Variants in CCNF observed in about 807,000 individuals in gnomAD.
The protein encoded by CCNF is cyclin-F.
CCNF carries 30 observed loss-of-function variants against 85.4 expected under a neutral mutation model. The ratio of observed to expected loss-of-function variants is 0.35; its 90% CI spans 0.26 to 0.48. The LOEUF (loss-of-function observed/expected upper bound fraction) is 0.48, where lower values mean the gene tolerates loss of function less well. Among genes scored for constraint, CCNF ranks in the 20% least tolerant of loss-of-function variants. CCNF has a pLI of 0.99. For missense variants in CCNF, 919 were observed against 1,010.4 expected (o/e 0.91, Z 1.23); for synonymous variants, 439 against 425.1 (o/e 1.03, Z -0.40).
chr16:2,457,045 G>C lies in CCNF; in HGVS notation c.*25G>C, dbSNP rs374043839. The C allele has an allele frequency of 5.2e-6, 8 of 1,524,714 alleles. No homozygotes were observed. In the African/African-American group the frequency reaches 1.1e-4, roughly 21 times the overall value. 94.4% of individuals were successfully genotyped at this position (1,524,714 alleles called of 1,614,324 possible). A position where few individuals can be genotyped will look rare whatever the true frequency, so the allele number is the denominator to read the frequency against. On this transcript the variant is annotated 3_prime_UTR_variant, in exon 17 of 17. Coordinates refer to ENST00000397066, the MANE Select transcript of CCNF (RefSeq NM_001761.3). ...AGTGTGTCAGCACATTTGCCGCAGT[G>C]GATGTGTACTGAGGGGGCTGGAGGC...
rs1398470046 is a variant in CCNF at position 2,439,395 on chromosome 16, G to T, written c.637G>T (p.Ala213Ser). Reference protein sequence around the residue: ...QQQAHDLFEEAAHQGCLTSSY... With the variant: ...QQQAHDLFEESAHQGCLTSSY... The stretch of plus-strand genomic sequence containing the variant: ...GCAGGCCCATGACCTGTTTGAGGAG[G>T]CTGCTCATCAGGGATGTCTGACCAG... Residue 213 changes from alanine to serine, a missense_variant, in exon 7 of 17, where the codon GCT becomes TCT. Transcript: ENST00000397066. 23 of 1,610,416 alleles carry T rather than the reference G, an allele frequency of 1.4e-5. No homozygotes were observed. Among genetic ancestry groups the T allele is most frequent in the Admixed American group, 3.4e-5 (2 of 59,698 alleles).
Position 2,456,516 on chromosome 16 carries a change from G to T in CCNF, c.1886-29G>T. The T allele has an allele frequency of 6.8e-7, 1 of 1,466,634 alleles. No individual in the cohort carries two copies. Among genetic ancestry groups the T allele is most frequent in the South Asian group, 1.4e-5 (1 of 73,832 alleles). The allele number at this position is 1,466,634 out of a possible 1,614,324, so 90.9% of individuals were successfully genotyped here. A position where few individuals can be genotyped will look rare whatever the true frequency, so the allele number is the denominator to read the frequency against. On this transcript the variant is annotated intron_variant, in intron 16 of 16. Coordinates refer to ENST00000397066, the MANE Select transcript of CCNF (RefSeq NM_001761.3). This position sits in a 1 kb window ranked among gnomAD's most constrained non-coding sequence, Gnocchi z 4.5. Reference sequence around the variant, plus strand: ...CTCCCCTGATGCTTGGGTGTGACATGACTTCCCTCCCCACCAACCTTCCTG... The same window carrying T: ...CTCCCCTGATGCTTGGGTGTGACATTACTTCCCTCCCCACCAACCTTCCTG...
chr16:2,443,063 A>AAT (rs1165713114), intron 8 of CCNF, among the ~76,000 whole-genome samples: 1 of 108,134 alleles, frequency 9.2e-6, no homozygotes, highest in South Asian at 2.6e-4. Flanking sequence ...TAATATCTAT[A>AAT]ATATATATTA....
At chr16:2,436,570 C>A (rs2065292268) in intron 4 of CCNF, 1 of 152,172 alleles carries the variant, frequency 6.6e-6, no homozygotes, top group African/African-American at 2.4e-5. Context: ...TGACAGGGAC[C>A]ATGAGCAACA....
Position 2,445,538 on chromosome 16 carries a change from G to A in CCNF, c.1010G>A (p.Cys337Tyr). ...CTGTGCCTGCACCTGACCGTGGAGT[G>A]TGTGGACCGGTACCTGCGGAGGAGG... Reference protein sequence around the residue: ...TSLCLHLTVECVDRYLRRRLV... With the variant: ...TSLCLHLTVEYVDRYLRRRLV... Residue 337 changes from cysteine (C) to tyrosine (Y), a missense_variant, in exon 10 of 17, where the codon TGT becomes TAT. By Grantham distance (194) the Cys-to-Tyr change is radical. Coordinates refer to ENST00000397066, the MANE Select transcript of CCNF (RefSeq NM_001761.3). 1 of 1,614,156 alleles carries A rather than the reference G, an allele frequency of 6.2e-7. No homozygotes were observed. The highest frequency in any genetic ancestry group is 8.5e-7 in the Non-Finnish European group (1 of 1,180,034).
Position 2,456,246 on chromosome 16 carries a change from T to G in CCNF, c.1886-299T>G. 1 of 354,544 alleles carries G rather than the reference T, an allele frequency of 2.8e-6. No homozygotes were observed. The highest frequency in any genetic ancestry group is 5.1e-6 in the Non-Finnish European group (1 of 194,346). 22.0% of individuals were successfully genotyped at this position (354,544 alleles called of 1,614,324 possible). A position where few individuals can be genotyped will look rare whatever the true frequency, so the allele number is the denominator to read the frequency against. On this transcript the variant is annotated intron_variant, in intron 16 of 16. Transcript: ENST00000397066. The surrounding 1 kb of genome is among the most constrained non-coding windows in gnomAD (Gnocchi z 4.5). ...TGCAAACCCCAGGCAGACTGCGGGG[T>G]CCTTGCCAGAAGCCCAGTTAGTGTG...
chr16:2,445,728 TG>T lies in CCNF; in HGVS notation c.1094+107del, dbSNP rs200662201. 1.3e-3 allele frequency: 1,252 copies of T among 978,542 alleles called. 23 individuals carry two copies. The highest frequency in any genetic ancestry group is 2.8e-3 in the East Asian group (95 of 34,270). The allele number at this position is 978,542 out of a possible 1,614,324, so 60.6% of individuals were successfully genotyped here. A position where few individuals can be genotyped will look rare whatever the true frequency, so the allele number is the denominator to read the frequency against. On this transcript the variant is annotated intron_variant, in intron 10 of 16. Coordinates refer to ENST00000397066, the MANE Select transcript of CCNF (RefSeq NM_001761.3). ...TCACTGGTTTGGTTTTGTTTTGTGT[TG>T]TTTTTTTTTTTTTCCCGAGACCAAG...
chr16:2,440,671 C>G (rs2065316350), intron 8 of CCNF, among the ~76,000 whole-genome samples: 1 of 152,102 alleles, frequency 6.6e-6, no homozygotes. Context: ...TTCTTGTCAC[C>G]CCACCAAGTG....
intron 11 of CCNF, 116 bp downstream of exon 11, chr16:2,449,094 C>T (rs985180617): frequency 6.7e-6 from 10 of 1,498,650 alleles, no homozygotes; most frequent in East Asian, 4.5e-5. Context: ...GAGCAGCTGT[C>T]TCTGCTGTGC....
At chr16:2,446,809 G>A (rs958440926) in intron 10 of CCNF, among the ~76,000 whole-genome samples, 1 of 152,214 alleles carries the variant, frequency 6.6e-6, no homozygotes, top group Non-Finnish European at 1.5e-5. Flanking sequence ...CCACCAACTA[G>A]GGTGCTGCCC....
chr16:2,435,874 G>A lies in CCNF; in HGVS notation c.346+1G>A, dbSNP rs370702853. ...ATAGCCTACCTCTACAATGAAGGCC[G>A]TAAGTCCTCACCCCACCTGCATGTT... On this transcript the variant is annotated splice_donor_variant, in intron 4 of 16. Transcript: ENST00000397066. LOFTEE classifies it high-confidence loss of function. The A allele has an allele frequency of 9.3e-6, 15 of 1,610,708 alleles. No individual in the cohort carries two copies. Among genetic ancestry groups the A allele is most frequent in the Non-Finnish European group, 1.2e-5 (14 of 1,177,354 alleles).
At chr16:2,441,489 G>A (rs1291112084) in intron 8 of CCNF, among the ~76,000 whole-genome samples, 1 of 151,936 alleles carries the variant, frequency 6.6e-6, no homozygotes, top group Non-Finnish European at 1.5e-5. Flanking sequence ...AAATAGGGCC[G>A]GGCGCAGTGG....
rs2065404603 is a variant in CCNF, at chr16:2,453,237, C to T, written c.1515C>T (p.Tyr505=). 2 of 1,613,786 alleles carry T rather than the reference C, an allele frequency of 1.2e-6. No individual in the cohort carries two copies. The highest frequency in any genetic ancestry group is 1.7e-5 in the Admixed American group (1 of 60,026). The stretch of plus-strand genomic sequence containing the variant: ...TCCATGATGACGCCCCCAAGGACTA[C>T]AGGCAAGTCTCTCTGACCGCCGTGA... ...KCFHDDAPKD[Y]RQVSLTAVKQ... is the part of the protein sequence containing the mutation. Residue 505 remains tyrosine, a synonymous_variant, in exon 14 of 17, where the codon TAC becomes TAT. Coordinates refer to ENST00000397066, the MANE Select transcript of CCNF (RefSeq NM_001761.3). The surrounding 1 kb of genome is among the most constrained non-coding windows in gnomAD (Gnocchi z 5.6).
chr16:2,452,268 A>T lies in CCNF; in HGVS notation c.1488-942A>T, dbSNP rs77375192. ...CTGTGGCCCATCTGCTTTTTCTCCC[A>T]CCATGCTGTGCTCCAGCCACAGGGG... On this transcript the variant is annotated intron_variant, in intron 13 of 16. Transcript: ENST00000397066. The surrounding 1 kb of genome is among the most constrained non-coding windows in gnomAD (Gnocchi z 4.1). 7.3e-4 allele frequency among the ~76,000 whole-genome samples: 111 copies of T among 151,762 alleles called. 1 individual carries two copies. The highest frequency in any genetic ancestry group is 2.4e-3 in the African/African-American group (101 of 41,366).
Position 2,435,808 on chromosome 16 carries a change from C to G in CCNF, c.281C>G (p.Ala94Gly), listed in dbSNP as rs773933025. 3 of 1,612,520 alleles carry G rather than the reference C, an allele frequency of 1.9e-6. No homozygotes were observed. Among genetic ancestry groups the G allele is most frequent in the Non-Finnish European group, 2.5e-6 (3 of 1,178,864 alleles). Residue 94 changes from alanine (A) to glycine (G), a missense_variant and splice_region_variant, in exon 4 of 17, where the codon GCT (alanine) becomes GGT (glycine). By Grantham distance (60) the Ala-to-Gly change is moderately conservative. Coordinates refer to ENST00000397066, the MANE Select transcript of CCNF (RefSeq NM_001761.3). ...SPGNLKLFERAAEKGNFEAAV... is the reference protein window; with the variant it reads ...SPGNLKLFERGAEKGNFEAAV... ...GCTTTATGTTCTTAATGTTTCAGGGCTGCTGAAAAGGGGAATTTCGAAGCT... is the reference window on the plus strand; with the variant it reads ...GCTTTATGTTCTTAATGTTTCAGGGGTGCTGAAAAGGGGAATTTCGAAGCT...
chr16:2,434,604 C>T (rs972502554), intron 3 of CCNF, among the ~76,000 whole-genome samples: 2 of 152,202 alleles, frequency 1.3e-5, no homozygotes, highest in African/African-American at 4.8e-5. Context: ...GAGCGAGACT[C>T]CGTCTCAAAA....
chr16:2,431,380 A>G (rs1261422951), intron 2 of CCNF, 96 bp downstream of exon 2: 1 of 1,412,814 alleles, frequency 7.1e-7, no homozygotes, highest in Non-Finnish European at 9.7e-7. Context: ...TTTGGCTAAA[A>G]AAGAGGTTGG....
chr16:2,447,069 G>T (rs1161766269), intron 10 of CCNF, among the ~76,000 whole-genome samples: 4 of 152,114 alleles, frequency 2.6e-5, no homozygotes, highest in Admixed American at 2.0e-4. Context: ...GAGGAGGTCG[G>T]GCGGCCGCCT....
rs113432361 is a variant in CCNF, at chr16:2,455,057, CAAAAAAAAA to C, written c.1716-321_1716-313del. Among the ~76,000 whole-genome samples the C allele has an allele frequency of 1.9e-4, 9 of 47,250 alleles. No individual in the cohort carries two copies. In the South Asian group the frequency reaches 4.0e-3, roughly 21 times the overall value. 31.0% of individuals were successfully genotyped at this position (47,250 alleles called of 152,430 possible). ...CCTGGGCGACAGAGCAAGAACACCT[CAAAAAAAAA>C]AAAAAAAAAAAAAAAACACTGGAAG... On this transcript the variant is annotated intron_variant, in intron 15 of 16. Transcript: ENST00000397066.
Sources: allele counts gnomAD v4.1 joint callset (sites outside exome capture counted in the v4.1 genomes callset), GRCh38; gene constraint gnomAD v4.1.1; non-coding constraint Gnocchi (gnomAD v3.1); transcripts MANE v1.5; gene names NCBI Gene and HGNC (gene_info 2026-07-23, HGNC 2026-07-21).